The following ASCC3 variants were observed in gnomAD, a reference collection of about 807,000 sequenced individuals.
ASCC3 encodes activating signal cointegrator 1 complex subunit 3.
ASCC3 carries 158 observed loss-of-function variants against 256.3 expected under a neutral mutation model. That is an observed-to-expected ratio of 0.62 (90% CI 0.54 to 0.70). The LOEUF is 0.70. ASCC3 is among the 30% of genes least tolerant of loss of function. The probability of loss-of-function intolerance (pLI) is 0.00; values close to 1 mark genes in which losing one functional copy is unlikely to be tolerated. For missense variants in ASCC3, 2,259 were observed against 2,626.0 expected (o/e 0.86, Z 3.05); for synonymous variants, 948 against 883.4 (o/e 1.07, Z -1.30).
chr6:100,719,991 C>A (rs540596966), intron 11 of ASCC3, among the ~76,000 whole-genome samples: 1 of 151,852 alleles, frequency 6.6e-6, no homozygotes, highest in Non-Finnish European at 1.5e-5. Context: ...AAGTTCAGAA[C>A]CTGAACAAAA....
chr6:100,605,605 T>C lies in ASCC3; in HGVS notation c.5140A>G (p.Lys1714Glu), dbSNP rs1270662821. Residue 1714 changes from lysine (K) to glutamate (E), a missense_variant, in exon 33 of 42, where the codon AAA (lysine) becomes GAA (glutamate). Physicochemically the swap from Lys to Glu is moderately conservative, Grantham distance 56 (BLOSUM62 1). Coordinates refer to ENST00000369162, the MANE Select transcript of ASCC3 (RefSeq NM_006828.4). ...GGGAAAGGTTCATAAAGAAATTTTT[T>C]ATAAAAGTCTTTCTTTATGTCATGA... is the stretch of plus-strand genomic sequence containing the variant. The part of the protein sequence containing the change: ...LVHDIKKDFY[K>E]KFLYEPFPVE... The C allele has an allele frequency of 6.4e-7, 1 of 1,573,748 alleles. No homozygotes were observed. Among genetic ancestry groups the C allele is most frequent in the Non-Finnish European group, 8.7e-7 (1 of 1,143,802 alleles).
At chr6:100,878,500 T>A (rs1769099313) in intron 1 of ASCC3, among the ~76,000 whole-genome samples, 1 of 152,086 alleles carries the variant, frequency 6.6e-6, no homozygotes, top group African/African-American at 2.4e-5. Flanking sequence ...TAACACCAGA[T>A]AAGGACAAGC....
chr6:100,846,441 C>T (rs1252493221), intron 4 of ASCC3, among the ~76,000 whole-genome samples: 2 of 152,278 alleles, frequency 1.3e-5, no homozygotes, highest in Middle Eastern at 3.4e-3. Flanking sequence ...AAGCCACTGA[C>T]AGGATGTGAA....
chr6:100,836,396 C>A (rs1298370278), intron 4 of ASCC3, among the ~76,000 whole-genome samples: 1 of 152,032 alleles, frequency 6.6e-6, no homozygotes, highest in African/African-American at 2.4e-5. Context: ...CATATATTAG[C>A]TATGTTATGT....
intron 13 of ASCC3, among the ~76,000 whole-genome samples, chr6:100,686,255 G>C (rs1255472879): frequency 6.6e-6 from 1 of 152,142 alleles, no homozygotes; most frequent in Admixed American, 6.6e-5. Context: ...TTGTTTATTA[G>C]AGTATAATTT....
At chr6:100,855,606 T>C (rs1772906923) in intron 3 of ASCC3, among the ~76,000 whole-genome samples, 1 of 152,248 alleles carries the variant, frequency 6.6e-6, no homozygotes, top group African/African-American at 2.4e-5. Context: ...AATATAATGC[T>C]GTCCAATGTT....
intron 4 of ASCC3, among the ~76,000 whole-genome samples, chr6:100,807,847 T>C (rs1417745559): frequency 6.6e-6 from 1 of 151,932 alleles, no homozygotes; most frequent in Non-Finnish European, 1.5e-5. Flanking sequence ...AAATGTTATG[T>C]ATAAAAGTAT....
At chr6:100,745,906 C>A (rs1180002411) in intron 10 of ASCC3, among the ~76,000 whole-genome samples, 11 of 151,928 alleles carry the variant, frequency 7.2e-5, no homozygotes, top group Non-Finnish European at 1.2e-4. Flanking sequence ...CAATCAGTAA[C>A]CCACTTTGTC....
In ASCC3 at chr6:100,828,630, C is replaced by G. The variant is rs914116646; in HGVS notation, c.801+19518G>C. ...CTGGCTCAGGAGTGAAGCTGCGGAT[C>G]TTCGCGGTGAGTGTTACAGCTCTTA... On this transcript the variant is annotated intron_variant, in intron 4 of 41. Transcript: ENST00000369162. 3.3e-5 allele frequency among the ~76,000 whole-genome samples: 5 copies of G among 152,108 alleles called. 1 individual carries two copies. Among genetic ancestry groups the G allele is most frequent in the African/African-American group, 1.2e-4 (5 of 41,414 alleles).
chr6:100,510,277 T>C, intron 40 of ASCC3, 170 bp from the exon 41 acceptor site: 1 of 676,518 alleles, frequency 1.5e-6, no homozygotes, highest in South Asian at 1.9e-5. Context: ...GTCTTTGATA[T>C]GCAATTATTT....
chr6:100,869,153 G>A (rs1306169987), intron 1 of ASCC3, among the ~76,000 whole-genome samples: 1 of 152,200 alleles, frequency 6.6e-6, no homozygotes, highest in Admixed American at 6.5e-5. Flanking sequence ...AACTATCAGG[G>A]AGGTGGAAGG....
chr6:100,592,857 C>T (rs932433197), intron 34 of ASCC3, among the ~76,000 whole-genome samples: 9 of 152,112 alleles, frequency 5.9e-5, no homozygotes, highest in African/African-American at 2.2e-4. Flanking sequence ...TATTTAAACA[C>T]AAACATTTCA....
chr6:100,665,633 G>A (rs1223716623), intron 14 of ASCC3, among the ~76,000 whole-genome samples: 1 of 151,696 alleles, frequency 6.6e-6, no homozygotes, highest in Non-Finnish European at 1.5e-5. Flanking sequence ...CCAGTTACTC[G>A]GGAGGCTGAG....
At chr6:100,872,582 A>G (rs1215603155) in intron 1 of ASCC3, among the ~76,000 whole-genome samples, 1 of 152,126 alleles carries the variant, frequency 6.6e-6, no homozygotes, top group Non-Finnish European at 1.5e-5. Context: ...CGGCAGGAAT[A>G]AATCAGGAAA....
intron 4 of ASCC3, among the ~76,000 whole-genome samples, chr6:100,833,401 A>G (rs1771715910): frequency 6.6e-6 from 1 of 152,156 alleles, no homozygotes; most frequent in Non-Finnish European, 1.5e-5. Context: ...TACATTTGTC[A>G]AGGCCCATAC....
chr6:100,707,356 T>C (rs1778633849), intron 13 of ASCC3, among the ~76,000 whole-genome samples: 1 of 151,662 alleles, frequency 6.6e-6, no homozygotes, highest in African/African-American at 2.4e-5. Context: ...ATGAGAAAAA[T>C]ACAACAGATT....
Position 100,715,206 on chromosome 6 carries a change from T to G in ASCC3, c.2151+256A>C. ...AATTGATATTGCTTCATGAAAACAG[T>G]AAGAATATAATATTTAAAATTAAAA... On this transcript the variant is annotated intron_variant, in intron 13 of 41. Coordinates refer to ENST00000369162, the MANE Select transcript of ASCC3 (RefSeq NM_006828.4). The G allele has an allele frequency of 2.2e-5, 7 of 315,832 alleles. No homozygotes were observed. In the South Asian group the frequency reaches 4.1e-4, roughly 19 times the overall value. 19.6% of individuals were successfully genotyped at this position (315,832 alleles called of 1,614,324 possible). A position where few individuals can be genotyped will look rare whatever the true frequency, so the allele number is the denominator to read the frequency against.
chr6:100,810,726 G>C (rs904981561), intron 4 of ASCC3, among the ~76,000 whole-genome samples: 2 of 152,098 alleles, frequency 1.3e-5, no homozygotes, highest in African/African-American at 4.8e-5. Flanking sequence ...TGAAGATTAA[G>C]TTTTTGATCT....
intron 10 of ASCC3, among the ~76,000 whole-genome samples, chr6:100,743,267 C>T (rs1469555999): frequency 1.3e-5 from 2 of 152,196 alleles, no homozygotes; most frequent in African/African-American, 4.8e-5. Context: ...AGTTGTTTGC[C>T]TAATCAGTCA....
Sources: allele counts gnomAD v4.1 joint callset (sites outside exome capture counted in the v4.1 genomes callset), GRCh38; gene constraint gnomAD v4.1.1; transcripts MANE v1.5; gene names NCBI Gene and HGNC (gene_info 2026-07-23, HGNC 2026-07-21).